The following ANKS1B variants were observed in gnomAD, a reference collection of about 807,000 sequenced individuals.
ANKS1B encodes ankyrin repeat and sterile alpha motif domain containing 1B, also known as ankyrin repeat and sterile alpha motif domain-containing protein 1B.
In ANKS1B, 36 loss-of-function variants were observed where a neutral mutation model predicts 148.3. That is an observed-to-expected ratio of 0.24 (90% CI 0.19 to 0.32). The LOEUF (loss-of-function observed/expected upper bound fraction) is 0.32. ANKS1B is among the 10% of genes least tolerant of loss of function. The pLI, the probability that ANKS1B is intolerant of heterozygous loss-of-function variation, is 1.00. For synonymous variants in ANKS1B, 542 were observed against 560.8 expected (o/e 0.97, Z 0.47); for missense variants, 1,157 against 1,542.6 (o/e 0.75, Z 4.19).
At chr12:99,018,406 T>A (rs2099943828) in intron 17 of ANKS1B, among the ~76,000 whole-genome samples, 2 of 152,202 alleles carry the variant, frequency 1.3e-5, no homozygotes, top group South Asian at 4.1e-4. Context: ...TCAAATATGG[T>A]CTGGCTAAGA....
chr12:99,653,060 TAGAAC>T (rs1258602561), intron 9 of ANKS1B, among the ~76,000 whole-genome samples: 1 of 152,150 alleles, frequency 6.6e-6, no homozygotes, highest in African/African-American at 2.4e-5. Context: ...TAAATGTAAC[TAGAAC>T]ATCTGAGGAA....
At chr12:98,761,512 C>T (rs2098405241) in intron 25 of ANKS1B, among the ~76,000 whole-genome samples, 1 of 152,168 alleles carries the variant, frequency 6.6e-6, no homozygotes, top group South Asian at 2.1e-4. Context: ...CATACCTTTC[C>T]ACAACTCCAT....
intron 12 of ANKS1B, among the ~76,000 whole-genome samples, chr12:99,314,313 A>T (rs1320492684): frequency 1.3e-5 from 2 of 152,242 alleles, no homozygotes; most frequent in African/African-American, 4.8e-5. Context: ...GGATAGGAAA[A>T]ATCAATATTG....
chr12:99,216,684 A>G (rs2084251998), intron 14 of ANKS1B, among the ~76,000 whole-genome samples: 1 of 152,176 alleles, frequency 6.6e-6, no homozygotes. Context: ...ATTGGTGAAA[A>G]TATAGGATCT....
chr12:99,350,898 T>C (rs1480328702), intron 12 of ANKS1B, among the ~76,000 whole-genome samples: 6 of 152,096 alleles, frequency 3.9e-5, no homozygotes, highest in South Asian at 4.1e-4. Context: ...TGGTTTTGTG[T>C]CTGTCTTAAT....
At chr12:99,638,645 G>T (rs941458362) in intron 9 of ANKS1B, among the ~76,000 whole-genome samples, 1 of 152,158 alleles carries the variant, frequency 6.6e-6, no homozygotes, top group Non-Finnish European at 1.5e-5. Flanking sequence ...CCCATTTTCT[G>T]GGGAGAAATC....
chr12:99,254,962 C>T (rs1008114443), intron 12 of ANKS1B, among the ~76,000 whole-genome samples: 3 of 152,202 alleles, frequency 2.0e-5, no homozygotes, highest in Non-Finnish European at 2.9e-5. Context: ...AGAAATAGGC[C>T]TTTGGTTTTA....
chr12:99,731,107 ATTTTG>A (rs1190275327), intron 8 of ANKS1B, among the ~76,000 whole-genome samples: 3 of 147,674 alleles, frequency 2.0e-5, no homozygotes, highest in African/African-American at 5.1e-5. Context: ...CACCTGGCTA[ATTTTG>A]TTTTATGTTT....
intron 21 of ANKS1B, among the ~76,000 whole-genome samples, chr12:98,799,813 G>C (rs1474494327): frequency 2.0e-5 from 3 of 152,102 alleles, no homozygotes; most frequent in Non-Finnish European, 4.4e-5. Flanking sequence ...TGAAGCTTTA[G>C]TAGGGTTTTT....
intron 12 of ANKS1B, among the ~76,000 whole-genome samples, chr12:99,260,644 A>C (rs925221489): frequency 5.9e-5 from 9 of 152,226 alleles, no homozygotes; most frequent in African/African-American, 2.2e-4. Context: ...AAAATCCTCT[A>C]TAAGGCTTTG....
chr12:99,004,960 A>G (rs1348739895), intron 17 of ANKS1B, among the ~76,000 whole-genome samples: 23 of 152,158 alleles, frequency 1.5e-4, no homozygotes, highest in Admixed American at 1.3e-3. Context: ...GTGAAGATGC[A>G]TTGCTCAATA....
At chr12:99,561,142 G>A (rs1047533725) in intron 9 of ANKS1B, among the ~76,000 whole-genome samples, 5 of 152,000 alleles carry the variant, frequency 3.3e-5, no homozygotes, top group Non-Finnish European at 7.4e-5. Context: ...CAGTGCGCCC[G>A]GCCGGCAATT....
intron 19 of ANKS1B, among the ~76,000 whole-genome samples, chr12:98,824,391 G>C: frequency 6.6e-6 from 1 of 152,204 alleles, no homozygotes; most frequent in Admixed American, 6.5e-5. Flanking sequence ...CGGAGCACTT[G>C]CCCTTCAACT....
At chr12:99,537,823 AT>A (rs1291256690) in intron 9 of ANKS1B, among the ~76,000 whole-genome samples, 3 of 152,084 alleles carry the variant, frequency 2.0e-5, no homozygotes, top group Non-Finnish European at 4.4e-5. Flanking sequence ...TGCTCAAGAA[AT>A]TTTTGCCCAG....
At chr12:99,229,730 A>G (rs1300792900) in intron 14 of ANKS1B, among the ~76,000 whole-genome samples, 1 of 150,146 alleles carries the variant, frequency 6.7e-6, no homozygotes, top group Non-Finnish European at 1.5e-5. Context: ...ACTTCCAATT[A>G]CTTTTACTTC....
At chr12:99,729,265 A>G (rs919765106) in intron 8 of ANKS1B, among the ~76,000 whole-genome samples, 59 of 152,290 alleles carry the variant, frequency 3.9e-4, no homozygotes, top group Non-Finnish European at 5.1e-4. Flanking sequence ...AAGACAGTCC[A>G]TTGTCTTTCT....
chr12:98,800,961 C>T (rs748601014), intron 21 of ANKS1B, 36 bp downstream of exon 21: 2 of 1,596,298 alleles, frequency 1.3e-6, no homozygotes, highest in East Asian at 4.5e-5. Flanking sequence ...CCCCTATCTC[C>T]ACTTAGGCCC....
chr12:99,284,918 A>G (rs905762775), intron 12 of ANKS1B, among the ~76,000 whole-genome samples: 1 of 152,178 alleles, frequency 6.6e-6, no homozygotes, highest in African/African-American at 2.4e-5. Flanking sequence ...ATGTTTGTAC[A>G]TATCTATATA....
chr12:99,140,354 G>C (rs555301247), intron 15 of ANKS1B, among the ~76,000 whole-genome samples: 2 of 152,184 alleles, frequency 1.3e-5, no homozygotes, highest in African/African-American at 2.4e-5. Context: ...TAAGGTCGCT[G>C]AGCTAGGTGG....
Sources: allele counts gnomAD v4.1 joint callset (sites outside exome capture counted in the v4.1 genomes callset), GRCh38; gene constraint gnomAD v4.1.1; transcripts MANE v1.5; gene names NCBI Gene and HGNC (gene_info 2026-07-23, HGNC 2026-07-21).